The following DYM variants were observed in gnomAD, a reference collection of about 807,000 sequenced individuals.
DYM encodes the protein dymeclin.
Under a neutral mutation model 93.1 loss-of-function variants are expected in DYM, and 78 were observed. The observed-to-expected ratio is 0.84, with a 90% CI of 0.70 to 1.01. DYM has a LOEUF of 1.01. DYM is among the 50% of genes least tolerant of loss of function. The probability of loss-of-function intolerance (pLI) is 0.00; values close to 1 mark genes in which losing one functional copy is unlikely to be tolerated. For missense variants in DYM, 789 were observed against 845.0 expected (o/e 0.93, Z 0.82); for synonymous variants, 321 against 319.7 (o/e 1.00, Z -0.04).
Position 49,353,547 on chromosome 18 carries a change from C to T in DYM, c.494+9614G>A, listed in dbSNP as rs183359525. Among the ~76,000 whole-genome samples, 24 of 151,812 alleles carry T rather than the reference C, an allele frequency of 1.6e-4. No homozygotes were observed. In the East Asian group the frequency reaches 4.6e-3, roughly 29 times the overall value. On this transcript the variant is annotated intron_variant, in intron 6 of 17. Transcript: ENST00000675505. ...TGAAGGAATAAAGACATATATTACA[C>T]AGAAAAACTAAAAATGATAATTTAA...
At chr18:49,425,119 C>A (rs1568422991) in intron 2 of DYM, among the ~76,000 whole-genome samples, 1 of 152,174 alleles carries the variant, frequency 6.6e-6, no homozygotes, top group African/African-American at 2.4e-5. Context: ...AAGCTGCAGG[C>A]ATCACACTAC....
intron 17 of DYM, among the ~76,000 whole-genome samples, chr18:49,068,757 T>TA (rs1316794851): frequency 6.6e-6 from 1 of 152,220 alleles, no homozygotes; most frequent in East Asian, 1.9e-4. Context: ...AGTGGAAATC[T>TA]AAAAGAAGGA....
intron 11 of DYM, among the ~76,000 whole-genome samples, chr18:49,258,928 A>G (rs1046141672): frequency 2.7e-5 from 4 of 150,506 alleles, no homozygotes; most frequent in Non-Finnish European, 4.4e-5. Context: ...ACTGGGCAGC[A>G]TAGCAGCCAA....
chr18:49,244,740 A>G (rs1446060823), intron 13 of DYM, among the ~76,000 whole-genome samples: 1 of 152,230 alleles, frequency 6.6e-6, no homozygotes, highest in African/African-American at 2.4e-5. Context: ...AAGGTAGTCT[A>G]TAGGCACACT....
intron 16 of DYM, among the ~76,000 whole-genome samples, chr18:49,104,180 A>C (rs2080515340): frequency 6.6e-6 from 1 of 152,124 alleles, no homozygotes. Context: ...AGCAATTGTG[A>C]ATGGGAGTTC....
At chr18:49,197,352 A>T (rs754633040) in intron 14 of DYM, among the ~76,000 whole-genome samples, 2 of 152,206 alleles carry the variant, frequency 1.3e-5, no homozygotes, top group African/African-American at 4.8e-5. Flanking sequence ...GCATAAAAAA[A>T]ATGGCAAAAG....
chr18:49,423,637 G>C (rs2073963106), intron 2 of DYM, among the ~76,000 whole-genome samples: 1 of 152,046 alleles, frequency 6.6e-6, no homozygotes, highest in Admixed American at 6.5e-5. Context: ...CAACAAAATT[G>C]ATAGACCACT....
intron 17 of DYM, among the ~76,000 whole-genome samples, chr18:49,054,692 GCGACACA>G (rs1410835737): frequency 6.6e-6 from 1 of 152,178 alleles, no homozygotes; most frequent in Non-Finnish European, 1.5e-5. Context: ...ACCATGGCTG[GCGACACA>G]GAGGGACTTG....
intron 17 of DYM, among the ~76,000 whole-genome samples, chr18:49,079,894 C>T (rs1410167834): frequency 7.3e-5 from 11 of 151,452 alleles, no homozygotes; most frequent in African/African-American, 2.2e-4. Flanking sequence ...ATTGTCATCC[C>T]GGCCCGTTCT....
chr18:49,269,672 A>G (rs546471550), intron 11 of DYM, among the ~76,000 whole-genome samples: 23 of 152,338 alleles, frequency 1.5e-4, no homozygotes, highest in African/African-American at 4.6e-4. Flanking sequence ...ATTATTACAA[A>G]ATTCCTATCA....
chr18:49,117,181 A>G (rs946524324), intron 16 of DYM, among the ~76,000 whole-genome samples: 5 of 152,224 alleles, frequency 3.3e-5, no homozygotes, highest in African/African-American at 1.2e-4. Context: ...TGATACCTAA[A>G]TGATGTCGAT....
At chr18:49,108,449 C>A (rs1485013058) in intron 16 of DYM, among the ~76,000 whole-genome samples, 1 of 152,258 alleles carries the variant, frequency 6.6e-6, no homozygotes, top group African/African-American at 2.4e-5. Flanking sequence ...ATGAGATGAA[C>A]CCGGTATCTC....
chr18:49,268,361 T>C (rs1487820386), intron 11 of DYM, among the ~76,000 whole-genome samples: 1 of 152,228 alleles, frequency 6.6e-6, no homozygotes, highest in Non-Finnish European at 1.5e-5. Context: ...ATATTTGAAT[T>C]TGAAATGTCA....
chr18:49,327,733 T>C (rs369580557), intron 8 of DYM, among the ~76,000 whole-genome samples: 3 of 152,184 alleles, frequency 2.0e-5, no homozygotes, highest in East Asian at 1.9e-4. Context: ...AAATCAGGTA[T>C]GTAAAGTAGC....
At chr18:49,409,283 C>CAAAAAAAA (rs200898948) in intron 2 of DYM, among the ~76,000 whole-genome samples, 1 of 63,366 alleles carries the variant, frequency 1.6e-5, no homozygotes, top group African/African-American at 5.9e-5. Flanking sequence ...GACTCTGTCT[C>CAAAAAAAA]AAAAAAAAAA....
intron 15 of DYM, among the ~76,000 whole-genome samples, chr18:49,153,497 C>T (rs890801538): frequency 6.6e-6 from 1 of 152,126 alleles, no homozygotes; most frequent in African/African-American, 2.4e-5. Context: ...AGAGAAAATA[C>T]CCGATGAACT....
At chr18:49,156,529 C>A (rs141785852) in intron 15 of DYM, among the ~76,000 whole-genome samples, 263 of 151,958 alleles carry the variant, frequency 1.7e-3, no homozygotes, top group African/African-American at 5.7e-3. Context: ...GTCAGGAGTT[C>A]GAGACCAGCC....
intron 13 of DYM, among the ~76,000 whole-genome samples, chr18:49,245,142 CTTACT>C (rs2094134402): frequency 6.6e-6 from 1 of 152,152 alleles, no homozygotes; most frequent in Non-Finnish European, 1.5e-5. Flanking sequence ...TTATGCCTGT[CTTACT>C]TTAATCTCTT....
rs568602246 is a variant in DYM, at chr18:49,043,580, C to T, written c.*475G>A. 6.4e-6 allele frequency: 1 copy of T among 156,142 alleles called. No individual in the cohort carries two copies. Among genetic ancestry groups the T allele is most frequent in the South Asian group, 2.0e-4 (1 of 5,094 alleles). 9.7% of individuals were successfully genotyped at this position (156,142 alleles called of 1,614,324 possible). On this transcript the variant is annotated 3_prime_UTR_variant, in exon 18 of 18. Coordinates refer to ENST00000675505, the MANE Select transcript of DYM (RefSeq NM_001353214.3). ...TAATTCCTGCCTCATCATCTTTTCT[C>T]ATTGATGCTCCTTAATGTCAAAGGA...
Sources: gnomAD v4.1 joint callset for allele counts (sites outside exome capture counted in the v4.1 genomes callset) on GRCh38, gnomAD v4.1.1 for gene constraint, MANE v1.5 for transcripts, NCBI Gene and HGNC (gene_info 2026-07-23, HGNC 2026-07-21) for gene names.